Variants in STAU2 observed in about 807,000 individuals in gnomAD.
The protein encoded by STAU2 is double-stranded RNA-binding protein Staufen homolog 2.
STAU2 carries 20 observed loss-of-function variants against 65.9 expected under a neutral mutation model. That is an observed-to-expected ratio of 0.30 (90% CI 0.21 to 0.44). The LOEUF is 0.44. Among genes scored for constraint, STAU2 ranks in the 20% least tolerant of loss-of-function variants. The probability of loss-of-function intolerance (pLI) is 1.00; values close to 1 mark genes in which losing one functional copy is unlikely to be tolerated. For synonymous variants in STAU2, 232 were observed against 233.9 expected (o/e 0.99, Z 0.07); for missense variants, 558 against 683.9 (o/e 0.82, Z 2.05).
chr8:73,674,592 T>A (rs1817908254), intron 5 of STAU2, among the ~76,000 whole-genome samples: 1 of 151,598 alleles, frequency 6.6e-6, no homozygotes, highest in African/African-American at 2.4e-5. Flanking sequence ...TAACCACATA[T>A]TCTAAAGATT....
At chr8:73,710,969 A>G (rs1820848992) in intron 3 of STAU2, among the ~76,000 whole-genome samples, 1 of 151,802 alleles carries the variant, frequency 6.6e-6, no homozygotes, top group Non-Finnish European at 1.5e-5. Flanking sequence ...AATAATTTGT[A>G]CAATGGCTTG....
intron 1 of STAU2, among the ~76,000 whole-genome samples, chr8:73,745,666 C>T (rs1807217341): frequency 6.6e-6 from 1 of 152,334 alleles, no homozygotes; most frequent in South Asian, 2.1e-4. Flanking sequence ...GATCCACCCA[C>T]TTTAAAATCC....
At chr8:73,597,945 G>A (rs180743338) in intron 10 of STAU2, among the ~76,000 whole-genome samples, 5 of 152,178 alleles carry the variant, frequency 3.3e-5, no homozygotes, top group Admixed American at 2.6e-4. Flanking sequence ...CATAAAACAC[G>A]AAATGAGAAA....
At chr8:73,550,721 T>C (rs1326698477) in intron 13 of STAU2, 1 of 987,382 alleles carries the variant, frequency 1.0e-6, no homozygotes, top group Non-Finnish European at 1.2e-6. Flanking sequence ...TAACTTTAAA[T>C]TAAGTGGTTA....
intron 13 of STAU2, among the ~76,000 whole-genome samples, chr8:73,461,148 C>G (rs1362236022): frequency 6.6e-6 from 1 of 152,186 alleles, no homozygotes; most frequent in Admixed American, 6.5e-5. Context: ...TACTTTACCC[C>G]TCTAAGTCTC....
chr8:73,736,792 G>A (rs935876206), intron 3 of STAU2, among the ~76,000 whole-genome samples: 1 of 152,204 alleles, frequency 6.6e-6, no homozygotes, highest in African/African-American at 2.4e-5. Flanking sequence ...GCTTAGAGAT[G>A]GCATGGGATG....
At chr8:73,487,828 A>G (rs909255285) in intron 13 of STAU2, among the ~76,000 whole-genome samples, 1 of 152,086 alleles carries the variant, frequency 6.6e-6, no homozygotes, top group Non-Finnish European at 1.5e-5. Flanking sequence ...AGTTCCAAAA[A>G]CCAAAAATAA....
intron 13 of STAU2, among the ~76,000 whole-genome samples, chr8:73,538,323 C>T (rs1377790848): frequency 6.6e-6 from 1 of 151,928 alleles, no homozygotes; most frequent in Non-Finnish European, 1.5e-5. Context: ...TTTAAAATCC[C>T]TTTTTAAGGG....
At chr8:73,547,729 G>C (rs1476472483) in intron 13 of STAU2, among the ~76,000 whole-genome samples, 3 of 152,092 alleles carry the variant, frequency 2.0e-5, no homozygotes, top group Non-Finnish European at 4.4e-5. Flanking sequence ...GCTCATTGTA[G>C]TCTAAGTAAT....
intron 13 of STAU2, among the ~76,000 whole-genome samples, chr8:73,434,727 A>T (rs1817567425): frequency 1.3e-5 from 2 of 151,820 alleles, no homozygotes; most frequent in Admixed American, 1.3e-4. Context: ...TGAGTCCAAC[A>T]TCCAGTCATG....
At chr8:73,723,299 A>G (rs545389305) in intron 3 of STAU2, among the ~76,000 whole-genome samples, 33 of 152,364 alleles carry the variant, frequency 2.2e-4, no homozygotes, top group African/African-American at 7.5e-4. Context: ...CCAGGAATCA[A>G]TTCTTTTTCT....
At chr8:73,453,542 G>C (rs1457331648) in intron 13 of STAU2, among the ~76,000 whole-genome samples, 5 of 152,172 alleles carry the variant, frequency 3.3e-5, no homozygotes. Context: ...AGAGCTGTCT[G>C]GGAAAAATCA....
At chr8:73,563,568 G>A (rs1419793609) in intron 12 of STAU2, among the ~76,000 whole-genome samples, 1 of 152,172 alleles carries the variant, frequency 6.6e-6, no homozygotes, top group East Asian at 1.9e-4. Flanking sequence ...CTATAGTTCT[G>A]CAAGGTGTTA....
At chr8:73,455,659 T>C (rs1819023577) in intron 13 of STAU2, among the ~76,000 whole-genome samples, 1 of 152,136 alleles carries the variant, frequency 6.6e-6, no homozygotes, top group African/African-American at 2.4e-5. Flanking sequence ...CTTATCTTCC[T>C]CTGAAAAACC....
intron 6 of STAU2, among the ~76,000 whole-genome samples, chr8:73,659,427 C>G (rs2130308214): frequency 6.6e-6 from 1 of 152,258 alleles, no homozygotes; most frequent in African/African-American, 2.4e-5. Flanking sequence ...GTCCCAGCTA[C>G]TCAGGAGGCT....
rs1343383624 is a variant in STAU2, at chr8:73,615,672, T to C, written c.678+3A>G. ...AATGGGAAGATCTCTACCGAGTACATACCTCAAAACTGACAGGCATATTTC... is the reference window on the plus strand; with the variant it reads ...AATGGGAAGATCTCTACCGAGTACACACCTCAAAACTGACAGGCATATTTC... On this transcript the variant is annotated splice_donor_region_variant and intron_variant, in intron 8 of 14. Transcript: ENST00000524300. 6.2e-7 allele frequency: 1 copy of C among 1,610,600 alleles called. No homozygotes were observed. The highest frequency in any genetic ancestry group is 8.5e-7 in the Non-Finnish European group (1 of 1,177,130).
chr8:73,571,616 T>C (rs1809095913), intron 12 of STAU2, among the ~76,000 whole-genome samples: 1 of 152,252 alleles, frequency 6.6e-6, no homozygotes, highest in South Asian at 2.1e-4. Flanking sequence ...CACAACTACA[T>C]GGAAACTGAA....
intron 6 of STAU2, among the ~76,000 whole-genome samples, chr8:73,637,009 A>C (rs1814575624): frequency 6.6e-6 from 1 of 152,176 alleles, no homozygotes; most frequent in East Asian, 1.9e-4. Context: ...AGAATATGAT[A>C]TTCAAATTTA....
chr8:73,689,794 G>A (rs1819197620), intron 4 of STAU2, among the ~76,000 whole-genome samples: 1 of 152,082 alleles, frequency 6.6e-6, no homozygotes, highest in South Asian at 2.1e-4. Context: ...CCTTCACTAA[G>A]TTAGCATCAC....
Sources: gnomAD v4.1 joint callset for allele counts (sites outside exome capture counted in the v4.1 genomes callset) on GRCh38, gnomAD v4.1.1 for gene constraint, MANE v1.5 for transcripts, NCBI Gene and HGNC (gene_info 2026-07-23, HGNC 2026-07-21) for gene names.